The following ZFYVE1 variants were observed in gnomAD, a reference collection of about 807,000 sequenced individuals.
ZFYVE1 encodes the protein zinc finger FYVE domain-containing protein 1.
In ZFYVE1, 30 loss-of-function variants were observed where a neutral mutation model predicts 74.4. The observed-to-expected ratio is 0.40, with a 90% CI of 0.30 to 0.55. ZFYVE1 has a LOEUF of 0.55. ZFYVE1 is among the 20% of genes least tolerant of loss of function. ZFYVE1 has a pLI of 0.42. For synonymous variants in ZFYVE1, 335 were observed against 385.1 expected, an observed-to-expected ratio of 0.87 and a Z score of 1.52; for missense variants, 703 against 1,011.6, an observed-to-expected ratio of 0.69 and a Z score of 4.14.
At chr14:73,021,446 T>C (rs1894317626) in intron 2 of ZFYVE1, among the ~76,000 whole-genome samples, 2 of 152,240 alleles carry the variant, frequency 1.3e-5, no homozygotes, top group African/African-American at 4.8e-5. Context: ...ACTGACAATG[T>C]GTTTACCACT....
At position 72,979,109 on chromosome 14, in the gene ZFYVE1, AG is replaced by A. The variant is rs1893257026; in HGVS notation, c.1311-141del. The A allele has an allele frequency of 3.2e-5, 23 of 715,588 alleles. 1 individual carries two copies. The South Asian group carries it at 3.6e-4, about 11-fold the overall frequency. The allele number at this position is 715,588 out of a possible 1,614,324, so 44.3% of individuals were successfully genotyped here. On this transcript the variant is annotated intron_variant, in intron 5 of 11. Transcript: ENST00000556143. ...TGGGCCTCAGATGCTGAACACAGAA[AG>A]GGTAGCCGGAAACCCACATGCCTCT...
At chr14:72,973,591 T>C (rs1893091269) in intron 11 of ZFYVE1, among the ~76,000 whole-genome samples, 1 of 152,028 alleles carries the variant, frequency 6.6e-6, no homozygotes, top group Non-Finnish European at 1.5e-5. Flanking sequence ...ATTTAAGAAG[T>C]GCCAAAGAAA....
intron 4 of ZFYVE1, among the ~76,000 whole-genome samples, chr14:72,991,641 A>T (rs971622942): frequency 6.6e-6 from 1 of 152,138 alleles, no homozygotes; most frequent in Non-Finnish European, 1.5e-5. Flanking sequence ...GAATGTTTGC[A>T]TTAGGTAAGC....
intron 5 of ZFYVE1, among the ~76,000 whole-genome samples, chr14:72,979,614 G>A (rs1477006340): frequency 6.7e-6 from 1 of 150,030 alleles, no homozygotes; most frequent in African/African-American, 2.5e-5. Context: ...AGATCACACC[G>A]CTATACTCCA....
At position 72,970,711 on chromosome 14, in the gene ZFYVE1, C is replaced by T; in HGVS notation, c.*171G>A. ...AAGGTCCCCTGCCCTGAGGGGTCCACACCTTCGGGCCTGCCGCCAGGCTCA... is the reference window on the plus strand; with the variant it reads ...AAGGTCCCCTGCCCTGAGGGGTCCATACCTTCGGGCCTGCCGCCAGGCTCA... On this transcript the variant is annotated 3_prime_UTR_variant, in exon 12 of 12. Coordinates refer to ENST00000556143, the MANE Select transcript of ZFYVE1 (RefSeq NM_021260.4). 1 of 708,784 alleles carries T rather than the reference C, an allele frequency of 1.4e-6. No homozygotes were observed. The highest frequency in any genetic ancestry group is 2.3e-6 in the Non-Finnish European group (1 of 426,816). The allele number at this position is 708,784 out of a possible 1,614,324, so 43.9% of individuals were successfully genotyped here. A position where few individuals can be genotyped will look rare whatever the true frequency, so the allele number is the denominator to read the frequency against.
chr14:73,004,212 C>T (rs1417715844), intron 2 of ZFYVE1, among the ~76,000 whole-genome samples: 3 of 152,250 alleles, frequency 2.0e-5, no homozygotes, highest in East Asian at 3.9e-4. Context: ...TCTACCGGCA[C>T]GGAGTCAGGT....
chr14:73,003,199 C>A (rs1335986422), intron 2 of ZFYVE1, among the ~76,000 whole-genome samples: 1 of 151,834 alleles, frequency 6.6e-6, no homozygotes, highest in Non-Finnish European at 1.5e-5. Flanking sequence ...GTACTACAGG[C>A]ACATGTCACC....
At chr14:73,018,372 A>G (rs568552097) in intron 2 of ZFYVE1, among the ~76,000 whole-genome samples, 2 of 143,534 alleles carry the variant, frequency 1.4e-5, no homozygotes, top group East Asian at 4.6e-4. Context: ...CGGAGGTTGC[A>G]GTGAGGTGAG....
At chr14:73,013,545 G>A (rs1052350682) in intron 2 of ZFYVE1, among the ~76,000 whole-genome samples, 6 of 151,778 alleles carry the variant, frequency 4.0e-5, no homozygotes, top group African/African-American at 1.5e-4. Context: ...GTTGTAGTAA[G>A]CCGAGATTGC....
intron 5 of ZFYVE1, among the ~76,000 whole-genome samples, chr14:72,981,386 CA>C (rs758768182): frequency 2.2e-4 from 34 of 152,158 alleles, no homozygotes; most frequent in Non-Finnish European, 4.6e-4. Context: ...GTGTTTTGCA[CA>C]GGGGGGGCAC....
intron 2 of ZFYVE1, among the ~76,000 whole-genome samples, chr14:73,022,952 C>T (rs916188367): frequency 6.6e-6 from 1 of 151,908 alleles, no homozygotes; most frequent in Non-Finnish European, 1.5e-5. Context: ...CACTTGAGGT[C>T]AGGAGTTCAA....
chr14:73,008,826 T>G (rs1894031764), intron 2 of ZFYVE1, among the ~76,000 whole-genome samples: 1 of 152,190 alleles, frequency 6.6e-6, no homozygotes, highest in Non-Finnish European at 1.5e-5. Flanking sequence ...TTCTGAGGGC[T>G]AAGAAAGGAC....
intron 2 of ZFYVE1, among the ~76,000 whole-genome samples, chr14:73,012,249 GA>G (rs1269861302): frequency 3.9e-5 from 6 of 151,992 alleles, no homozygotes; most frequent in Non-Finnish European, 2.9e-5. Flanking sequence ...GAGACATAAG[GA>G]AAAAAATTAT....
At chr14:73,023,466 A>T (rs1365072071) in intron 2 of ZFYVE1, among the ~76,000 whole-genome samples, 1 of 142,906 alleles carries the variant, frequency 7.0e-6, no homozygotes, top group Non-Finnish European at 1.5e-5. Flanking sequence ...TATATATATA[A>T]TATATATATG....
At position 72,970,096 on chromosome 14, in the gene ZFYVE1, A is replaced by C; in HGVS notation, c.*786T>G. ...CCTTTTGGGAAAGCCGAGTGGAGAC[A>C]GAAGCATCGGGACAGGAAGCCCTGC... On this transcript the variant is annotated 3_prime_UTR_variant, in exon 12 of 12. Transcript: ENST00000556143. 1 of 295,260 alleles carries C rather than the reference A, an allele frequency of 3.4e-6. No individual in the cohort carries two copies. The highest frequency in any genetic ancestry group is 4.5e-5 in the South Asian group (1 of 22,420). The allele number at this position is 295,260 out of a possible 1,614,324, so 18.3% of individuals were successfully genotyped here.
intron 4 of ZFYVE1, among the ~76,000 whole-genome samples, chr14:72,984,834 T>C (rs1309411282): frequency 6.6e-6 from 1 of 152,234 alleles, no homozygotes; most frequent in Non-Finnish European, 1.5e-5. Context: ...ATGGGTTTGC[T>C]GTATTTTATC....
Position 72,987,070 on chromosome 14 carries a change from G to A in ZFYVE1, c.1204-5175C>T, listed in dbSNP as rs1371930426. On this transcript the variant is annotated intron_variant, in intron 4 of 11. Transcript: ENST00000556143. ...ACTTTAGTTGCCTTGACAACAGTGTGGCTCTTTCTATTGTATCTATAGGGC... is the reference window on the plus strand; with the variant it reads ...ACTTTAGTTGCCTTGACAACAGTGTAGCTCTTTCTATTGTATCTATAGGGC... 1.0e-5 allele frequency: 6 copies of A among 575,474 alleles called. No individual in the cohort carries two copies. The South Asian group carries it at 3.1e-4, about 29-fold the overall frequency. 35.6% of individuals were successfully genotyped at this position (575,474 alleles called of 1,614,324 possible). A position where few individuals can be genotyped will look rare whatever the true frequency, so the allele number is the denominator to read the frequency against.
rs58858186 is a variant in ZFYVE1 at position 72,978,566 on chromosome 14, C to CAAAAAAAAAAAAAAA, written c.1419+280_1419+294dup. 1.2e-4 allele frequency among the ~76,000 whole-genome samples: 6 copies of CAAAAAAAAAAAAAAA among 50,952 alleles called. 1 individual carries two copies. The highest frequency in any genetic ancestry group is 1.9e-4 in the Non-Finnish European group (6 of 30,794). 33.4% of individuals were successfully genotyped at this position (50,952 alleles called of 152,430 possible). ...TGGCTGACAGAGCAAGACTCTGTCT[C>CAAAAAAAAAAAAAAA]AAAAAAAAAAAAAAAAAAAAAAAAA... On this transcript the variant is annotated intron_variant, in intron 6 of 11. Coordinates refer to ENST00000556143, the MANE Select transcript of ZFYVE1 (RefSeq NM_021260.4).
chr14:73,016,742 CG>C (rs1894210931), intron 2 of ZFYVE1, among the ~76,000 whole-genome samples: 1 of 151,696 alleles, frequency 6.6e-6, no homozygotes, highest in Non-Finnish European at 1.5e-5. Flanking sequence ...GGTGTGGTGG[CG>C]GGCACCTGTA....
Sources: allele counts gnomAD v4.1 joint callset (sites outside exome capture counted in the v4.1 genomes callset), GRCh38; gene constraint gnomAD v4.1.1; transcripts MANE v1.5; gene names NCBI Gene and HGNC (gene_info 2026-07-23, HGNC 2026-07-21).